The following TEX11 variants were observed in gnomAD, a reference collection of about 807,000 sequenced individuals.
The protein encoded by TEX11 is testis expressed 11, also known as testis-expressed protein 11.
A neutral mutation model predicts 84.4 loss-of-function variants in TEX11; 7 were observed. The observed-to-expected ratio is 0.08, with a 90% CI of 0.05 to 0.16. The LOEUF is 0.16. Among genes scored for constraint, TEX11 ranks in the 10% least tolerant of loss-of-function variants. The pLI is 1.00. For missense variants in TEX11, 551 were observed against 660.5 expected (o/e 0.83, Z 1.82); for synonymous variants, 264 against 222.8 (o/e 1.18, Z -1.64).
intron 2 of TEX11, among the ~76,000 whole-genome samples, chrX:70,884,128 A>G (rs1386403560): frequency 2.7e-5 from 3 of 112,729 alleles, no homozygotes; most frequent in African/African-American, 9.7e-5. Context: ...ATGCATTCTC[A>G]TTTAATCTTC....
chrX:70,605,646 T>C (rs2089187666), intron 23 of TEX11, 129 bp from the exon 24 acceptor site: 2 of 451,019 alleles, frequency 4.4e-6, no homozygotes, highest in Non-Finnish European at 7.8e-6. Flanking sequence ...CATGTCACCA[T>C]AGAAATGATA....
At chrX:70,868,222 G>A (rs2091609571) in intron 4 of TEX11, among the ~76,000 whole-genome samples, 1 of 111,685 alleles carries the variant, frequency 9.0e-6, no homozygotes, top group Non-Finnish European at 1.9e-5. Flanking sequence ...CGAAGGATAT[G>A]AACAGCCACT....
chrX:70,829,005 G>A (rs2091361511), intron 8 of TEX11, among the ~76,000 whole-genome samples: 1 of 111,896 alleles, frequency 8.9e-6, no homozygotes, highest in South Asian at 3.7e-4. Flanking sequence ...CCAGCAGAAA[G>A]TATCCTTCAA....
intron 9 of TEX11, among the ~76,000 whole-genome samples, chrX:70,783,691 T>C (rs1298687325): frequency 1.8e-5 from 2 of 111,879 alleles, no homozygotes; most frequent in Admixed American, 1.9e-4. Flanking sequence ...GAGAATACTA[T>C]AAACACATCT....
chrX:70,842,242 C>A (rs1488096518), intron 7 of TEX11, among the ~76,000 whole-genome samples: 12 of 111,531 alleles, frequency 1.1e-4, no homozygotes, highest in African/African-American at 3.9e-4. Context: ...GTAAAATACT[C>A]ACAAACCGAA....
chrX:70,769,420 A>G (rs778783223), intron 9 of TEX11, among the ~76,000 whole-genome samples: 1 of 111,771 alleles, frequency 8.9e-6, no homozygotes, highest in Non-Finnish European at 1.9e-5. Flanking sequence ...AACTATTCCT[A>G]AAAGACTAGA....
intron 16 of TEX11, among the ~76,000 whole-genome samples, chrX:70,666,091 T>A (rs1265308243): frequency 8.9e-6 from 1 of 111,755 alleles, no homozygotes; most frequent in African/African-American, 3.3e-5. Context: ...TAAGATATGG[T>A]CTCTGTCCTC....
chrX:70,519,150 T>C, the TEX11 span, among the ~76,000 whole-genome samples: 1 of 112,002 alleles, frequency 8.9e-6, no homozygotes, highest in African/African-American at 3.2e-5. Context: ...TTTGATCCCA[T>C]CATTATGATA....
At chrX:70,821,834 T>C (rs1372807265) in intron 8 of TEX11, among the ~76,000 whole-genome samples, 1 of 111,584 alleles carries the variant, frequency 9.0e-6, no homozygotes, top group Non-Finnish European at 1.9e-5. Context: ...TGTAAATCTG[T>C]ACAATCATTA....
intron 16 of TEX11, among the ~76,000 whole-genome samples, chrX:70,662,643 C>G (rs1309655809): frequency 9.0e-6 from 1 of 111,607 alleles, no homozygotes; most frequent in East Asian, 2.8e-4. Flanking sequence ...CAAAGGGAAG[C>G]CCATCAGACT....
At chrX:70,714,589 G>T (rs2090477592) in intron 13 of TEX11, among the ~76,000 whole-genome samples, 1 of 111,506 alleles carries the variant, frequency 9.0e-6, no homozygotes, top group Non-Finnish European at 1.9e-5. Flanking sequence ...TTTAAAGTCT[G>T]TATTATCAGA....
chrX:70,759,506 C>T (rs1045498994), intron 9 of TEX11, among the ~76,000 whole-genome samples: 1 of 111,948 alleles, frequency 8.9e-6, no homozygotes. Context: ...GAACCAACAA[C>T]AAAAACCATA....
intron 25 of TEX11, among the ~76,000 whole-genome samples, chrX:70,590,074 A>G (rs1374622595): frequency 3.6e-5 from 4 of 111,846 alleles, no homozygotes; most frequent in African/African-American, 1.3e-4. Flanking sequence ...CTTGACATCA[A>G]TTTTGTAAAA....
chrX:70,610,389 G>T, intron 21 of TEX11, 114 bp downstream of exon 21: 2 of 669,941 alleles, frequency 3.0e-6, no homozygotes, highest in Non-Finnish European at 2.3e-6. Context: ...TTAATAAGGA[G>T]CATGAAGCTT....
chrX:70,608,609 C>T (rs1043871168), intron 22 of TEX11, among the ~76,000 whole-genome samples: 22 of 109,342 alleles, frequency 2.0e-4, no homozygotes, highest in African/African-American at 7.3e-4. Flanking sequence ...GGCGTGGTGG[C>T]GGGTGCCTGT....
intron 9 of TEX11, among the ~76,000 whole-genome samples, chrX:70,797,712 T>C (rs2091163636): frequency 2.8e-5 from 3 of 106,558 alleles, no homozygotes; most frequent in South Asian, 4.3e-4. Flanking sequence ...TAAAAATCAA[T>C]AAATGTGATA....
At chrX:70,661,335 C>A (rs965958457) in intron 16 of TEX11, among the ~76,000 whole-genome samples, 1 of 112,238 alleles carries the variant, frequency 8.9e-6, no homozygotes, top group East Asian at 2.8e-4. Context: ...GGGAGGGGCG[C>A]CCGCCATTGC....
At chrX:70,544,842 A>G (rs1438766355) in intron 28 of TEX11, among the ~76,000 whole-genome samples, 5 of 103,250 alleles carry the variant, frequency 4.8e-5, no homozygotes, top group African/African-American at 1.4e-4. Flanking sequence ...ATCTCAAAAA[A>G]AAAAAAAAAA....
At chrX:70,811,181 C>A (rs1375899209) in intron 8 of TEX11, among the ~76,000 whole-genome samples, 1 of 108,824 alleles carries the variant, frequency 9.2e-6, no homozygotes, top group Admixed American at 9.9e-5. Flanking sequence ...CCCCCTGCCC[C>A]CACCCCACAA....
Sources: gnomAD v4.1 joint callset for allele counts (sites outside exome capture counted in the v4.1 genomes callset) on GRCh38, gnomAD v4.1.1 for gene constraint, MANE v1.5 for transcripts, NCBI Gene and HGNC (gene_info 2026-07-23, HGNC 2026-07-21) for gene names.